The following PCDHA4 variants were observed in gnomAD, a reference collection of about 807,000 sequenced individuals.
The protein encoded by PCDHA4 is protocadherin alpha 4, also known as protocadherin alpha-4.
Under a neutral mutation model 61.4 loss-of-function variants are expected in PCDHA4, and 49 were observed. That is an observed-to-expected ratio of 0.80 (90% CI 0.63 to 1.01). The LOEUF (loss-of-function observed/expected upper bound fraction) is 1.01. Ranked by LOEUF, PCDHA4 falls within the 50% of genes least tolerant of loss-of-function variation. The probability of loss-of-function intolerance (pLI) is 0.00; values close to 1 mark genes in which losing one functional copy is unlikely to be tolerated. For missense variants in PCDHA4, 1,254 were observed against 1,235.8 expected, an observed-to-expected ratio of 1.01 and a Z score of -0.22; for synonymous variants, 590 against 550.3, an observed-to-expected ratio of 1.07 and a Z score of -1.01.
At chr5:140,967,107 G>C (rs782199698) in intron 1 of PCDHA4, 1 of 1,612,994 alleles carries the variant, frequency 6.2e-7, no homozygotes. Flanking sequence ...TGTGAGCAGC[G>C]GCCTCGCTGC....
chr5:140,858,185 C>T, intron 1 of PCDHA4: 1 of 1,597,454 alleles, frequency 6.3e-7, no homozygotes, highest in South Asian at 1.1e-5. Flanking sequence ...GGTGCTCACG[C>T]TGCTGCTGTA....
chr5:140,959,061 A>G (rs1434123552), intron 1 of PCDHA4, among the ~76,000 whole-genome samples: 2 of 152,126 alleles, frequency 1.3e-5, no homozygotes, highest in Non-Finnish European at 2.9e-5. Flanking sequence ...AATGCAGTAT[A>G]TATAGAATTC....
At chr5:140,888,011 A>G (rs1554183291) in intron 1 of PCDHA4, among the ~76,000 whole-genome samples, 1 of 152,138 alleles carries the variant, frequency 6.6e-6, no homozygotes, top group African/African-American at 2.4e-5. Flanking sequence ...TCATCTTTTT[A>G]TCTATATGTT....
At chr5:140,921,473 C>T (rs2080232887) in intron 1 of PCDHA4, among the ~76,000 whole-genome samples, 1 of 152,186 alleles carries the variant, frequency 6.6e-6, no homozygotes, top group African/African-American at 2.4e-5. Flanking sequence ...CACTACCAAA[C>T]CACTCTACCT....
intron 1 of PCDHA4, chr5:140,861,476 C>T: frequency 2.0e-6 from 1 of 493,226 alleles, no homozygotes; most frequent in South Asian, 1.5e-5. Flanking sequence ...TGCAGAATGG[C>T]ATTTTTGTGA....
Position 140,835,940 on chromosome 5 carries a change from G to A in PCDHA4, c.2385+26368G>A. 6 of 1,612,590 alleles carry A rather than the reference G, an allele frequency of 3.7e-6. No homozygotes were observed. In the South Asian group the frequency reaches 6.6e-5, roughly 18 times the overall value. ...ACGCGGAGAGCGGCAAGGTGTACGCGCTGCAGCCGTTGGACCACGAGGAGC... is the reference window on the plus strand; with the variant it reads ...ACGCGGAGAGCGGCAAGGTGTACGCACTGCAGCCGTTGGACCACGAGGAGC... On this transcript the variant is annotated intron_variant, in intron 1 of 3. Transcript: ENST00000530339.
intron 3 of PCDHA4, among the ~76,000 whole-genome samples, chr5:141,007,961 C>G (rs1554261577): frequency 6.6e-6 from 1 of 152,176 alleles, no homozygotes; most frequent in East Asian, 1.9e-4. Flanking sequence ...TGCTCATTCT[C>G]TGGGTGTCTG....
chr5:140,835,529 C>T (rs2150237591), intron 1 of PCDHA4: 1 of 1,613,966 alleles, frequency 6.2e-7, no homozygotes, highest in East Asian at 2.2e-5. Context: ...TTGGAGTCAA[C>T]GGACAGGTTA....
chr5:140,858,291 A>C (rs782112368), intron 1 of PCDHA4: 1 of 1,597,182 alleles, frequency 6.3e-7, no homozygotes, highest in South Asian at 1.1e-5. Flanking sequence ...AGCTGGTCTT[A>C]CTCGCAGCAG....
intron 1 of PCDHA4, chr5:140,836,319 C>G (rs577271797): frequency 1.2e-6 from 2 of 1,613,720 alleles, no homozygotes; most frequent in Middle Eastern, 1.6e-4. Context: ...ACCGCGCCAC[C>G]GCCTTCTGGT....
chr5:140,823,434 C>A (rs2150125798), intron 1 of PCDHA4: 11 of 1,613,238 alleles, frequency 6.8e-6, no homozygotes, highest in Non-Finnish European at 9.3e-6. Context: ...TGCAGGTGTT[C>A]GTGCTGGACG....
chr5:140,939,037 T>C (rs1295630675), intron 1 of PCDHA4, among the ~76,000 whole-genome samples: 2 of 152,212 alleles, frequency 1.3e-5, no homozygotes, highest in African/African-American at 4.8e-5. Context: ...TCGGAAGAGT[T>C]GTCTTAGTCC....
intron 1 of PCDHA4, among the ~76,000 whole-genome samples, chr5:140,897,650 C>T (rs1293190913): frequency 3.3e-5 from 5 of 152,036 alleles, no homozygotes; most frequent in Non-Finnish European, 7.4e-5. Context: ...AATAAACATA[C>T]GTGTGCATGT....
intron 2 of PCDHA4, among the ~76,000 whole-genome samples, chr5:140,980,491 G>A (rs917181390): frequency 2.6e-5 from 4 of 152,132 alleles, no homozygotes; most frequent in Non-Finnish European, 5.9e-5. Flanking sequence ...TTAGCTGGGC[G>A]TGATGGCATG....
At chr5:140,853,895 TG>T in intron 1 of PCDHA4, 1 of 971,706 alleles carries the variant, frequency 1.0e-6, no homozygotes, top group Non-Finnish European at 1.2e-6. Flanking sequence ...TAAAAAGATG[TG>T]GTGGCCTGAC....
At chr5:140,983,340 A>G (rs148799902) in intron 3 of PCDHA4, among the ~76,000 whole-genome samples, 114 of 152,358 alleles carry the variant, frequency 7.5e-4, no homozygotes, top group African/African-American at 2.2e-3. Flanking sequence ...TCACTAAAGC[A>G]GGGTCATGTA....
rs182904804 is a variant in PCDHA4 at position 140,841,857 on chromosome 5, T to A, written c.2385+32285T>A. 6.2e-6 allele frequency: 10 copies of A among 1,613,860 alleles called. 1 individual carries two copies. In the Admixed American group the frequency reaches 1.0e-4, roughly 16 times the overall value. ...AGGCTTAGCTCTCATGATTACTTCA[T>A]GCTAGATGTGAATTCAAAGAACGAT... On this transcript the variant is annotated intron_variant, in intron 1 of 3. Transcript: ENST00000530339.
Position 141,010,331 on chromosome 5 carries a change from T to C in PCDHA4, c.*394T>C. 6.5e-7 allele frequency: 1 copy of C among 1,537,904 alleles called. No homozygotes were observed. Among genetic ancestry groups the C allele is most frequent in the Non-Finnish European group, 8.8e-7 (1 of 1,142,160 alleles). On this transcript the variant is annotated 3_prime_UTR_variant, in exon 4 of 4. Transcript: ENST00000530339. The stretch of plus-strand genomic sequence containing the variant: ...TTTTGAGATTGAGCAGCTTGGGAGT[T>C]TGTGGCCACTGGGTATGTGTGGCTA...
intron 1 of PCDHA4, chr5:140,883,268 T>G: frequency 6.2e-7 from 1 of 1,614,030 alleles, no homozygotes; most frequent in Non-Finnish European, 8.5e-7. Flanking sequence ...GGCGGGTCAT[T>G]GTACCCTTTT....
Sources: allele counts gnomAD v4.1 joint callset (sites outside exome capture counted in the v4.1 genomes callset), GRCh38; gene constraint gnomAD v4.1.1; transcripts MANE v1.5; gene names NCBI Gene and HGNC (gene_info 2026-07-23, HGNC 2026-07-21).